CPEB2: variants seen among roughly 807,000 people sequenced by gnomAD.
CPEB2 encodes cytoplasmic polyadenylation element binding protein 2.
Under a neutral mutation model 93.6 loss-of-function variants are expected in CPEB2, and 56 were observed. That is an observed-to-expected ratio of 0.60 (90% confidence interval 0.48 to 0.75). CPEB2 has a LOEUF of 0.75. CPEB2 is among the 30% of genes least tolerant of loss of function. CPEB2 has a pLI of 0.00. For missense variants in CPEB2, 1,579 were observed against 1,395.1 expected (o/e 1.13, Z -2.10); for synonymous variants, 764 against 586.3 (o/e 1.30, Z -4.38).
chr4:15,029,435 T>C (rs1725848412), intron 4 of CPEB2, among the ~76,000 whole-genome samples: 1 of 152,092 alleles, frequency 6.6e-6, no homozygotes, highest in Admixed American at 6.5e-5. Flanking sequence ...AAAATACATA[T>C]ATTTTTTAAA....
At chr4:15,004,522 G>A (rs2108940045) in intron 1 of CPEB2, among the ~76,000 whole-genome samples, 187 bp downstream of exon 1, 1 of 152,234 alleles carries the variant, frequency 6.6e-6, no homozygotes, top group East Asian at 1.9e-4. Flanking sequence ...CCAGCCCCCG[G>A]TGGGTTGGGA....
At chr4:15,030,624 T>G (rs565327008) in intron 4 of CPEB2, among the ~76,000 whole-genome samples, 7 of 152,226 alleles carry the variant, frequency 4.6e-5, no homozygotes, top group Admixed American at 2.6e-4. Flanking sequence ...GAAGATGCAT[T>G]AATGTTTCCA....
intron 1 of CPEB2, among the ~76,000 whole-genome samples, chr4:15,005,568 C>CATTTTCT (rs1258678702): frequency 6.6e-6 from 1 of 152,118 alleles, no homozygotes; most frequent in East Asian, 1.9e-4. Flanking sequence ...TGTTTAAGTC[C>CATTTTCT]ATTTTCTATT....
intron 3 of CPEB2, among the ~76,000 whole-genome samples, chr4:15,011,075 C>T (rs963594001): frequency 6.7e-6 from 1 of 149,070 alleles, no homozygotes; most frequent in Admixed American, 6.7e-5. Context: ...ATGAGTATTA[C>T]ATACATATCT....
rs1263772873 is a variant in CPEB2, at chr4:15,004,199, A to G, written c.1526A>G (p.Gln509Arg). The G allele has an allele frequency of 2.0e-6, 3 of 1,478,258 alleles. No individual in the cohort carries two copies. Among genetic ancestry groups the G allele is most frequent in the East Asian group, 2.9e-5 (1 of 34,200 alleles). The allele number at this position is 1,478,258 out of a possible 1,614,324, so 91.6% of individuals were successfully genotyped here. The part of the protein sequence containing the change: ...PPPPPAMNIP[Q>R]QQPPPPAAPQ... Reference sequence around the variant, plus strand: ...CCGCCGCCCGCCATGAATATACCTCAACAGCAGCCCCCGCCGCCCGCGGCG... The same window carrying G: ...CCGCCGCCCGCCATGAATATACCTCGACAGCAGCCCCCGCCGCCCGCGGCG... Residue 509 changes from glutamine (Q) to arginine (R), a missense_variant, in exon 1 of 12, where the codon CAA becomes CGA. Coordinates refer to ENST00000538197, the MANE Select transcript of CPEB2 (RefSeq NM_001177382.2).
chr4:15,065,098 G>T (rs1729582432), intron 11 of CPEB2, among the ~76,000 whole-genome samples: 1 of 152,052 alleles, frequency 6.6e-6, no homozygotes, highest in South Asian at 2.1e-4. Context: ...TCTATCAAAT[G>T]AACATCCTAC....
chr4:15,005,306 G>C (rs566114992), intron 1 of CPEB2: 1 of 152,336 alleles, frequency 6.6e-6, no homozygotes, highest in East Asian at 1.9e-4. Flanking sequence ...GTGTTTCCTC[G>C]TAGACTTTCG....
intron 4 of CPEB2, among the ~76,000 whole-genome samples, chr4:15,031,658 G>A (rs1726108803): frequency 6.6e-6 from 1 of 152,168 alleles, no homozygotes; most frequent in African/African-American, 2.4e-5. Context: ...TATTTTACCT[G>A]TGTTGAGTCT....
At chr4:15,007,990 T>C (rs1723044818) in intron 2 of CPEB2, among the ~76,000 whole-genome samples, 1 of 152,186 alleles carries the variant, frequency 6.6e-6, no homozygotes, top group African/African-American at 2.4e-5. Flanking sequence ...GCTGTATATA[T>C]ATTAGAATAT....
intron 6 of CPEB2, among the ~76,000 whole-genome samples, chr4:15,050,802 A>G (rs1728153290): frequency 6.6e-6 from 1 of 152,102 alleles, no homozygotes; most frequent in Admixed American, 6.5e-5. Context: ...TTCCCAAGGA[A>G]CTGTCCTCAT....
intron 6 of CPEB2, among the ~76,000 whole-genome samples, chr4:15,051,244 T>G (rs1199608954): frequency 2.0e-5 from 3 of 152,294 alleles, no homozygotes; most frequent in Non-Finnish European, 4.4e-5. Flanking sequence ...GTTATAATCT[T>G]GATTGAATCC....
intron 7 of CPEB2, 77 bp downstream of exon 7, chr4:15,052,661 G>T: frequency 1.0e-6 from 1 of 984,864 alleles, no homozygotes; most frequent in Non-Finnish European, 1.4e-6. Context: ...TAATGTGAAT[G>T]GACTATGAAA....
At chr4:15,019,409 A>G (rs1178609612) in intron 4 of CPEB2, among the ~76,000 whole-genome samples, 4 of 150,878 alleles carry the variant, frequency 2.7e-5, no homozygotes, top group Non-Finnish European at 5.9e-5. Flanking sequence ...TGATTATTGT[A>G]CTTTTTTCTT....
intron 4 of CPEB2, chr4:15,017,664 A>G (rs192438113): frequency 6.5e-6 from 1 of 153,084 alleles, no homozygotes; most frequent in Non-Finnish European, 1.5e-5. Flanking sequence ...ATCCCTAGTT[A>G]ACCTCCTTTC....
Position 15,002,828 on chromosome 4 carries a change from C to T in CPEB2, c.155C>T (p.Pro52Leu). The T allele has an allele frequency of 6.5e-7, 1 of 1,535,298 alleles. No homozygotes were observed. Among genetic ancestry groups the T allele is most frequent in the Non-Finnish European group, 8.7e-7 (1 of 1,146,584 alleles). ...CCCTTCGGCCCACTGTCGCCACCAC[C>T]GTTGCCTGTCACCGGCTTCTTAGAG... ...ATPFGPLSPPPLPVTGFLEAA... is the reference protein window; with the variant it reads ...ATPFGPLSPPLLPVTGFLEAA... The change falls in exon 1 of 12, where the codon CCG (proline) becomes CTG (leucine). Residue 52 changes from proline (P) to leucine (L), a missense_variant. Physicochemically the swap from Pro to Leu is moderately conservative, Grantham distance 98 (BLOSUM62 -3). Around this residue, in one of 2 missense-constraint regions of CPEB2, gnomAD observed 1,411 missense variants for 1,056.0 expected, o/e 1.34. Coordinates refer to ENST00000538197, the MANE Select transcript of CPEB2 (RefSeq NM_001177382.2).
chr4:15,066,263 G>C lies in CPEB2; in HGVS notation c.2988G>C (p.Gln996His). The C allele has an allele frequency of 1.2e-6, 2 of 1,613,542 alleles. No individual in the cohort carries two copies. Among genetic ancestry groups the C allele is most frequent in the Non-Finnish European group, 1.7e-6 (2 of 1,179,684 alleles). ...PFFCANVTCL[Q>H]YYCEFCWANI... ...TTTGTGCCAATGTCACTTGCCTGCA[G>C]TATTACTGTGAGTTTTGTTGGGCAA... is the stretch of plus-strand genomic sequence containing the variant. Residue 996 changes from glutamine (Q) to histidine (H), a missense_variant, in exon 12 of 12, where the codon CAG becomes CAC. By Grantham distance (24) the Gln-to-His change is conservative (BLOSUM62 0). Transcript: ENST00000538197.
At chr4:15,058,320 T>A in intron 8 of CPEB2, 101 bp from the exon 9 acceptor site, 1 of 692,158 alleles carries the variant, frequency 1.4e-6, no homozygotes, top group Non-Finnish European at 2.5e-6. Flanking sequence ...TTTGATAGTT[T>A]GTTTTTTTTT....
intron 8 of CPEB2, 95 bp from the exon 9 acceptor site, chr4:15,058,326 T>C (rs528957405): frequency 1.4e-6 from 1 of 707,506 alleles, no homozygotes; most frequent in South Asian, 1.7e-5. Context: ...AGTTTGTTTT[T>C]TTTTTTCAAA....
At chr4:15,036,256 C>T (rs775899632) in intron 5 of CPEB2, among the ~76,000 whole-genome samples, 1 of 152,008 alleles carries the variant, frequency 6.6e-6, no homozygotes, top group African/African-American at 2.4e-5. Flanking sequence ...ATAAAAAAAC[C>T]ATATAAATAT....
Sources: allele counts gnomAD v4.1 joint callset (sites outside exome capture counted in the v4.1 genomes callset), GRCh38; gene constraint gnomAD v4.1.1; regional missense constraint gnomAD v4.1.1; transcripts MANE v1.5; gene names NCBI Gene and HGNC (gene_info 2026-07-23, HGNC 2026-07-21).